The following COPZ2 variants were observed in gnomAD, a reference collection of about 807,000 sequenced individuals.
COPZ2 encodes the protein coatomer subunit zeta-2.
Under a neutral mutation model 33.2 loss-of-function variants are expected in COPZ2, and 30 were observed. That is an observed-to-expected ratio of 0.90 (90% confidence interval 0.68 to 1.23). The LOEUF (loss-of-function observed/expected upper bound fraction) is 1.23. Ranked by LOEUF, COPZ2 falls within the 50% of genes most tolerant of loss-of-function variation. The pLI is 0.00. For missense variants in COPZ2, 263 were observed against 262.4 expected (o/e 1.00, Z -0.02); for synonymous variants, 89 against 102.6 (o/e 0.87, Z 0.80).
chr17:48,033,141 G>C, intron 4 of COPZ2, 70 bp downstream of exon 4: 1 of 1,104,708 alleles, frequency 9.1e-7, no homozygotes, highest in Non-Finnish European at 1.4e-6. Flanking sequence ...CCAGCCTCAA[G>C]CCCAGATTCC....
chr17:48,035,629 GC>G (rs1162146056), intron 2 of COPZ2, among the ~76,000 whole-genome samples: 1 of 152,034 alleles, frequency 6.6e-6, no homozygotes, highest in Non-Finnish European at 1.5e-5. Context: ...GTGCCATGTT[GC>G]CCAGGCTGGT....
chr17:48,038,643 G>C (rs1186531039), upstream of COPZ2, among the ~76,000 whole-genome samples: 1 of 152,214 alleles, frequency 6.6e-6, no homozygotes, highest in Non-Finnish European at 1.5e-5. Context: ...TAAGCAAAGA[G>C]AGACTCAGAG....
chr17:48,028,407 AG>A lies in COPZ2; in HGVS notation c.585+64del. Reference sequence around the variant, plus strand: ...TCACTGGGTCCCCCTAGGATGCTCTAGGATGCTCTGCTCCCCGTATCTCTCT... The same window carrying A: ...TCACTGGGTCCCCCTAGGATGCTCTAGATGCTCTGCTCCCCGTATCTCTCT... On this transcript the variant is annotated intron_variant, in intron 8 of 8. Transcript: ENST00000621465. This position sits in a 1 kb window ranked among gnomAD's most constrained non-coding sequence, Gnocchi z 4.5. 6.6e-7 allele frequency: 1 copy of A among 1,520,626 alleles called. No individual in the cohort carries two copies. The highest frequency in any genetic ancestry group is 8.9e-7 in the Non-Finnish European group (1 of 1,117,906). The allele number at this position is 1,520,626 out of a possible 1,614,324, so 94.2% of individuals were successfully genotyped here.
intron 8 of COPZ2, among the ~76,000 whole-genome samples, chr17:48,026,828 T>C (rs548640270): frequency 7.9e-5 from 12 of 152,244 alleles, no homozygotes; most frequent in Admixed American, 2.6e-4. Flanking sequence ...TGACACTCCC[T>C]GTGCTCAGAC....
chr17:48,046,984 A>C, the COPZ2 span: 1 of 152,226 alleles, frequency 6.6e-6, no homozygotes, highest in African/African-American at 2.4e-5. Context: ...GAATAGGTAA[A>C]ACATGCTCTC....
intron 6 of COPZ2, among the ~76,000 whole-genome samples, chr17:48,030,344 A>G (rs923800490): frequency 6.6e-5 from 10 of 151,950 alleles, no homozygotes; most frequent in Non-Finnish European, 8.8e-5. Flanking sequence ...AAACAAACAA[A>G]AAAATTCCCT....
rs1162206224 is a variant in COPZ2, at chr17:48,033,306, G to A, written c.269-4C>T. 6.3e-7 allele frequency: 1 copy of A among 1,596,266 alleles called. No individual in the cohort carries two copies. Among genetic ancestry groups the A allele is most frequent in the Non-Finnish European group, 8.6e-7 (1 of 1,165,896 alleles). On this transcript the variant is annotated splice_region_variant and splice_polypyrimidine_tract_variant and intron_variant, in intron 3 of 8. Transcript: ENST00000621465. ...CCCCCAAAAAATGCAATCTCACCTA[G>A]AAGTGGAGGGAGCTTTCAGTCCTGG...
At position 48,031,917 on chromosome 17, in the gene COPZ2, A is replaced by C. The variant is rs147011598; in HGVS notation, c.494+239T>G. 2,120 of 571,448 alleles carry C rather than the reference A, an allele frequency of 3.7e-3. 10 individuals are homozygous for C. Among genetic ancestry groups the C allele is most frequent in the Non-Finnish European group, 5.1e-3 (1,620 of 318,092 alleles). 35.4% of individuals were successfully genotyped at this position (571,448 alleles called of 1,614,324 possible). ...CCCTGCCTATTCAACAGTCTCCCAT[A>C]GTTTGACATCAGGTTAGTCTCTTGT... On this transcript the variant is annotated intron_variant, in intron 6 of 8. Transcript: ENST00000621465.
At chr17:48,034,542 G>A (rs2036948984) in intron 2 of COPZ2, among the ~76,000 whole-genome samples, 2 of 152,326 alleles carry the variant, frequency 1.3e-5, no homozygotes, top group South Asian at 4.1e-4. Context: ...GATTGGCATG[G>A]TCACGAGGGC....
Position 48,037,618 on chromosome 17 carries a change from C to A in COPZ2, c.111+49G>T. The A allele has an allele frequency of 2.8e-6, 3 of 1,059,352 alleles. No individual in the cohort carries two copies. The highest frequency in any genetic ancestry group is 7.0e-5 in the East Asian group (1 of 14,280). 65.6% of individuals were successfully genotyped at this position (1,059,352 alleles called of 1,614,324 possible). A position where few individuals can be genotyped will look rare whatever the true frequency, so the allele number is the denominator to read the frequency against. ...CTGCTCCCCCTAACCCTGCTCTGTC[C>A]CTGCCCAGCTCCCGCCGCCCGGGAT... On this transcript the variant is annotated intron_variant, in intron 1 of 8. Coordinates refer to ENST00000621465, the MANE Select transcript of COPZ2 (RefSeq NM_016429.4). The surrounding 1 kb of genome is among the most constrained non-coding windows in gnomAD (Gnocchi z 5.6).
intron 6 of COPZ2, 144 bp downstream of exon 6, chr17:48,032,012 G>C: frequency 1.4e-6 from 1 of 695,504 alleles, no homozygotes; most frequent in Non-Finnish European, 2.6e-6. Flanking sequence ...AAGGGGAAGG[G>C]CTAGGGGAAT....
intron 2 of COPZ2, 42 bp downstream of exon 2, chr17:48,036,809 T>G: frequency 6.3e-7 from 1 of 1,581,780 alleles, no homozygotes; most frequent in Non-Finnish European, 8.7e-7. Flanking sequence ...GAGTGTCAGC[T>G]GAGTGGGAAC....
intron 2 of COPZ2, among the ~76,000 whole-genome samples, chr17:48,034,213 A>G (rs1412702082): frequency 6.6e-6 from 1 of 152,196 alleles, no homozygotes; most frequent in African/African-American, 2.4e-5. Flanking sequence ...GGTTCAAGCA[A>G]TTCTCCTGCC....
Position 48,037,681 on chromosome 17 carries a change from G to A in COPZ2, c.97C>T (p.Pro33Ser), listed in dbSNP as rs1328747030. The part of the protein sequence containing the change: ...GPAPPARAGE[P>S]SGLRLQEPSL... ...CCGCTCCGTACCCGCAGCCCCGAGG[G>A]CTCCCCGGCTCGAGCAGGCGGCGCC... Residue 33 changes from proline to serine, a missense_variant, in exon 1 of 9, where the codon CCC (proline) becomes TCC (serine). Physicochemically the swap from Pro to Ser is moderately conservative, Grantham distance 74 (BLOSUM62 -1). Coordinates refer to ENST00000621465, the MANE Select transcript of COPZ2 (RefSeq NM_016429.4). This position sits in a 1 kb window ranked among gnomAD's most constrained non-coding sequence, Gnocchi z 5.6. 1.8e-6 allele frequency: 2 copies of A among 1,101,262 alleles called. No individual in the cohort carries two copies. Among genetic ancestry groups the A allele is most frequent in the East Asian group, 5.6e-5 (1 of 17,862 alleles). 68.2% of individuals were successfully genotyped at this position (1,101,262 alleles called of 1,614,324 possible). A position where few individuals can be genotyped will look rare whatever the true frequency, so the allele number is the denominator to read the frequency against.
chr17:48,037,109 C>A lies in COPZ2; in HGVS notation c.112-184G>T. ...CCCAGGTGCCCACTCCACTCCCAGGCAGATGTTCCACTGCAGGCCCCGAGT... is the reference window on the plus strand; with the variant it reads ...CCCAGGTGCCCACTCCACTCCCAGGAAGATGTTCCACTGCAGGCCCCGAGT... On this transcript the variant is annotated intron_variant, in intron 1 of 8. Coordinates refer to ENST00000621465, the MANE Select transcript of COPZ2 (RefSeq NM_016429.4). The surrounding 1 kb of genome is among the most constrained non-coding windows in gnomAD (Gnocchi z 5.6). 1.3e-6 allele frequency: 1 copy of A among 771,578 alleles called. No homozygotes were observed. The allele number at this position is 771,578 out of a possible 1,614,324, so 47.8% of individuals were successfully genotyped here. A position where few individuals can be genotyped will look rare whatever the true frequency, so the allele number is the denominator to read the frequency against.
upstream of COPZ2, chr17:48,037,991 G>A (rs2037020478): frequency 8.8e-6 from 4 of 454,332 alleles, no homozygotes; most frequent in Non-Finnish European, 1.1e-5. This position sits in a 1 kb window ranked among gnomAD's most constrained non-coding sequence, Gnocchi z 5.6. Flanking sequence ...GCTCCTTCCC[G>A]AGTCCCTTAC....
intron 6 of COPZ2, 36 bp from the exon 7 acceptor site, chr17:48,029,212 GT>G (rs1567739667): frequency 6.5e-7 from 1 of 1,550,106 alleles, no homozygotes; most frequent in South Asian, 1.2e-5. Context: ...AGGCAAATCA[GT>G]GGCACAATCC....
upstream of COPZ2, among the ~76,000 whole-genome samples, chr17:48,040,456 C>T (rs1264891578): frequency 1.5e-4 from 21 of 139,338 alleles, no homozygotes; most frequent in African/African-American, 5.1e-4. Context: ...TTTTTTGAGA[C>T]GGAGTCTTGC....
chr17:48,037,677 G>A lies in COPZ2; in HGVS notation c.101C>T (p.Ser34Leu). Residue 34 changes from serine (S) to leucine (L), a missense_variant, in exon 1 of 9, where the codon TCG (serine) becomes TTG (leucine). Ser to Leu is a moderately radical substitution (Grantham distance 145). Coordinates refer to ENST00000621465, the MANE Select transcript of COPZ2 (RefSeq NM_016429.4). This position sits in a 1 kb window ranked among gnomAD's most constrained non-coding sequence, Gnocchi z 5.6. ...CCGCCCGCTCCGTACCCGCAGCCCC[G>A]AGGGCTCCCCGGCTCGAGCAGGCGG... ...PAPPARAGEP[S>L]GLRLQEPSLY... 9.1e-7 allele frequency: 1 copy of A among 1,102,690 alleles called. No homozygotes were observed. Among genetic ancestry groups the A allele is most frequent in the Non-Finnish European group, 1.1e-6 (1 of 907,550 alleles). The allele number at this position is 1,102,690 out of a possible 1,614,324, so 68.3% of individuals were successfully genotyped here.
Sources: gnomAD v4.1 joint callset for allele counts (sites outside exome capture counted in the v4.1 genomes callset) on GRCh38, gnomAD v4.1.1 for gene constraint, Gnocchi (gnomAD v3.1) non-coding constraint, MANE v1.5 for transcripts, NCBI Gene and HGNC (gene_info 2026-07-23, HGNC 2026-07-21) for gene names.